LRRC4C: variants seen among roughly 807,000 people sequenced by gnomAD.
LRRC4C encodes the protein leucine-rich repeat-containing protein 4C.
In LRRC4C, 5 loss-of-function variants were observed where a neutral mutation model predicts 33.6. The ratio of observed to expected loss-of-function variants is 0.15; its 90% CI spans 0.08 to 0.31. The LOEUF is 0.31. Ranked by LOEUF, LRRC4C falls within the 10% of genes least tolerant of loss-of-function variation. The probability of loss-of-function intolerance (pLI) is 1.00; values close to 1 mark genes in which losing one functional copy is unlikely to be tolerated. For synonymous variants in LRRC4C, 329 were observed against 302.0 expected (o/e 1.09, Z -0.93); for missense variants, 560 against 796.7 (o/e 0.70, Z 3.58).
chr11:40,128,084 G>A (rs1045271236), intron 6 of LRRC4C, among the ~76,000 whole-genome samples: 16 of 152,310 alleles, frequency 1.1e-4, no homozygotes, highest in African/African-American at 3.8e-4. Context: ...CGGAGGGTTG[G>A]TTTGGTATTC....
At chr11:40,908,514 AC>A (rs1369042502) in intron 2 of LRRC4C, among the ~76,000 whole-genome samples, 1 of 152,192 alleles carries the variant, frequency 6.6e-6, no homozygotes, top group Non-Finnish European at 1.5e-5. Flanking sequence ...AATGAAAGAA[AC>A]AAAACAGAAC....
At chr11:40,924,778 G>A (rs1411763900) in intron 2 of LRRC4C, among the ~76,000 whole-genome samples, 3 of 151,898 alleles carry the variant, frequency 2.0e-5, no homozygotes, top group African/African-American at 7.3e-5. Flanking sequence ...TACAATTATG[G>A]ATCAATAAAA....
At chr11:41,048,026 G>C (rs1407639917) in intron 1 of LRRC4C, among the ~76,000 whole-genome samples, 1 of 151,996 alleles carries the variant, frequency 6.6e-6, no homozygotes, top group Non-Finnish European at 1.5e-5. Context: ...CTTTATACTT[G>C]AGTTATTTTT....
Position 40,359,068 on chromosome 11 carries a change from A to C in LRRC4C, c.-269-39347T>G, listed in dbSNP as rs762529094. Among the ~76,000 whole-genome samples the C allele has an allele frequency of 4.9e-4, 74 of 152,112 alleles. 1 individual carries two copies. The highest frequency in any genetic ancestry group is 4.1e-4 in the South Asian group (2 of 4,824). ...AAATAGTCAATCTGATAAATTGTTT[A>C]GGGAAAAAAAAGGAAAGCTGGTGTT... On this transcript the variant is annotated intron_variant, in intron 3 of 6. Transcript: ENST00000528697.
intron 1 of LRRC4C, among the ~76,000 whole-genome samples, chr11:41,362,465 T>C (rs1952389238): frequency 1.3e-5 from 2 of 152,114 alleles, no homozygotes; most frequent in South Asian, 2.1e-4. Flanking sequence ...CTCTCTCTTT[T>C]TGATGATACC....
At chr11:40,479,431 A>G (rs2138385418) in intron 3 of LRRC4C, among the ~76,000 whole-genome samples, 1 of 152,230 alleles carries the variant, frequency 6.6e-6, no homozygotes, top group South Asian at 2.1e-4. Context: ...GAAGAGTGCC[A>G]ATGTTAGAGT....
intron 1 of LRRC4C, among the ~76,000 whole-genome samples, chr11:41,007,949 C>T (rs16935263): frequency 0.17 from 26,020 of 152,014 alleles, 2,329 homozygotes; most frequent in African/African-American, 0.19. Flanking sequence ...TTACTTAAAT[C>T]CAATCTCCAT....
chr11:41,265,308 C>A (rs186406895), intron 1 of LRRC4C, among the ~76,000 whole-genome samples: 2 of 152,002 alleles, frequency 1.3e-5, no homozygotes, highest in African/African-American at 2.4e-5. Context: ...ATTAAAGGTA[C>A]GTTAGAGTAA....
At chr11:41,190,285 T>G (rs1050003933) in intron 1 of LRRC4C, among the ~76,000 whole-genome samples, 3 of 152,134 alleles carry the variant, frequency 2.0e-5, no homozygotes, top group African/African-American at 7.2e-5. Context: ...TTAAACATAC[T>G]TGTGCAATGT....
In LRRC4C at chr11:40,918,347, G is replaced by A. The variant is rs912104645; in HGVS notation, c.-407+15288C>T. Among the ~76,000 whole-genome samples, 7 of 151,978 alleles carry A rather than the reference G, an allele frequency of 4.6e-5. No homozygotes were observed. In the East Asian group the frequency reaches 1.4e-3, roughly 29 times the overall value. ...TTTGTGCATGTGTTTTGCATTTAAA[G>A]AGAGAGTGGGATACCTGCAAATGCA... On this transcript the variant is annotated intron_variant, in intron 2 of 6. Coordinates refer to ENST00000528697, the MANE Select transcript of LRRC4C (RefSeq NM_001258419.2).
At chr11:41,369,685 G>T (rs372327822) in intron 1 of LRRC4C, among the ~76,000 whole-genome samples, 3 of 152,312 alleles carry the variant, frequency 2.0e-5, no homozygotes, top group African/African-American at 7.2e-5. Flanking sequence ...ACTGGTTGAT[G>T]ATGAGGTTGA....
chr11:40,645,297 C>T (rs904032578), intron 3 of LRRC4C, among the ~76,000 whole-genome samples: 1 of 152,142 alleles, frequency 6.6e-6, no homozygotes, highest in Admixed American at 6.5e-5. Context: ...AAAATTTAAA[C>T]ACACAGACAC....
intron 6 of LRRC4C, among the ~76,000 whole-genome samples, chr11:40,126,305 T>C (rs1308813555): frequency 6.6e-6 from 1 of 152,196 alleles, no homozygotes; most frequent in Non-Finnish European, 1.5e-5. Context: ...TATTATAATG[T>C]TGTCACTAGT....
intron 3 of LRRC4C, among the ~76,000 whole-genome samples, chr11:40,605,796 C>T (rs916838699): frequency 6.6e-6 from 1 of 152,202 alleles, no homozygotes; most frequent in African/African-American, 2.4e-5. Flanking sequence ...ACCATAGTTC[C>T]TGCCACTAGC....
At chr11:41,225,809 C>A (rs541832925) in intron 1 of LRRC4C, among the ~76,000 whole-genome samples, 16 of 151,994 alleles carry the variant, frequency 1.1e-4, no homozygotes, top group Admixed American at 1.1e-3. Context: ...ACATGCCAGC[C>A]GGTTTGACAC....
At chr11:41,304,752 CCG>C (rs1950425272) in intron 1 of LRRC4C, among the ~76,000 whole-genome samples, 1 of 104,196 alleles carries the variant, frequency 9.6e-6, no homozygotes, top group African/African-American at 3.7e-5. Flanking sequence ...GCCAGCCGCC[CCG>C]TCTGGGAGGG....
intron 1 of LRRC4C, among the ~76,000 whole-genome samples, chr11:40,952,896 A>ACTCT (rs35019678): frequency 2.1e-3 from 146 of 70,216 alleles, no homozygotes; most frequent in African/African-American, 6.7e-3. Flanking sequence ...ACACACACAC[A>ACTCT]CTCTCTCTCT....
At chr11:41,303,857 C>A (rs1183716626) in intron 1 of LRRC4C, among the ~76,000 whole-genome samples, 1 of 37,354 alleles carries the variant, frequency 2.7e-5, no homozygotes, top group African/African-American at 7.6e-5. Context: ...CTGGCAATCA[C>A]CCCGTCTGAG....
At chr11:41,197,981 T>C (rs1946251922) in intron 1 of LRRC4C, among the ~76,000 whole-genome samples, 1 of 151,978 alleles carries the variant, frequency 6.6e-6, no homozygotes, top group Admixed American at 6.6e-5. Flanking sequence ...ACCATCACCA[T>C]CATTGTAAAC....
Sources: allele counts gnomAD v4.1 joint callset (sites outside exome capture counted in the v4.1 genomes callset), GRCh38; gene constraint gnomAD v4.1.1; transcripts MANE v1.5; gene names NCBI Gene and HGNC (gene_info 2026-07-23, HGNC 2026-07-21).